WTIP: variants seen among roughly 807,000 people sequenced by gnomAD.
WTIP encodes the protein Wilms tumor protein 1-interacting protein.
A neutral mutation model predicts 41.7 loss-of-function variants in WTIP; 23 were observed. That is an observed-to-expected ratio of 0.55 (90% CI 0.40 to 0.78). The LOEUF (loss-of-function observed/expected upper bound fraction) is 0.78, where lower values mean the gene tolerates loss of function less well. WTIP is among the 30% of genes least tolerant of loss of function. The probability of loss-of-function intolerance (pLI) is 0.00; values close to 1 mark genes in which losing one functional copy is unlikely to be tolerated. For missense variants in WTIP, 619 were observed against 610.5 expected, an observed-to-expected ratio of 1.01 and a Z score of -0.15; for synonymous variants, 314 against 269.9, an observed-to-expected ratio of 1.16 and a Z score of -1.60.
At chr19:34,484,760 ATTTT>A (rs1182827699) in intron 1 of WTIP, among the ~76,000 whole-genome samples, 1 of 151,288 alleles carries the variant, frequency 6.6e-6, no homozygotes, top group Non-Finnish European at 1.5e-5. Context: ...GTGGTGGCAC[ATTTT>A]TTTTCTGAGG....
chr19:34,482,679 G>T (rs1156397046), intron 1 of WTIP, 38 bp downstream of exon 1: 6 of 1,222,540 alleles, frequency 4.9e-6, no homozygotes, highest in Non-Finnish European at 6.1e-6. Flanking sequence ...TGCGCGCATG[G>T]CTGGGGTCCG....
chr19:34,491,723 C>T (rs1009636148), intron 2 of WTIP, among the ~76,000 whole-genome samples: 30 of 152,192 alleles, frequency 2.0e-4, no homozygotes, highest in African/African-American at 7.2e-4. Flanking sequence ...CGGCTCACTG[C>T]CACCTCCGTG....
Position 34,494,579 on chromosome 19 carries a change from TC to T in WTIP, c.1032-6del, listed in dbSNP as rs1486275352. On this transcript the variant is annotated splice_region_variant and splice_polypyrimidine_tract_variant and intron_variant, in intron 5 of 7. Coordinates refer to ENST00000590071, the MANE Select transcript of WTIP (RefSeq NM_001080436.2). ...CTGATCACTTCTGGTTTCCTTTATTTCTCTAGGGTTTTTGCACCAAAATGCG... is the reference window on the plus strand; with the variant it reads ...CTGATCACTTCTGGTTTCCTTTATTTTCTAGGGTTTTTGCACCAAAATGCG... 1.9e-6 allele frequency: 3 copies of T among 1,613,376 alleles called. No homozygotes were observed.
rs1267228444 is a variant in WTIP at position 34,490,494 on chromosome 19, C to G, written c.769+17C>G. ...ACTCGTGTGGTAGGTAACCTCGTGC[C>G]CTGGGTAGCTCTGTGAAGGGGACCT... On this transcript the variant is annotated intron_variant, in intron 2 of 7. Transcript: ENST00000590071. 6.2e-7 allele frequency: 1 copy of G among 1,612,368 alleles called. No homozygotes were observed. Among genetic ancestry groups the G allele is most frequent in the Non-Finnish European group, 8.5e-7 (1 of 1,178,468 alleles).
intron 7 of WTIP, among the ~76,000 whole-genome samples, chr19:34,497,895 A>G (rs1320617557): frequency 1.3e-5 from 2 of 152,130 alleles, no homozygotes; most frequent in Non-Finnish European, 2.9e-5. Context: ...TCCCCTGCAG[A>G]TTGTCCAGTA....
At position 34,482,513 on chromosome 19, in the gene WTIP, T is replaced by C; in HGVS notation, c.539T>C (p.Phe180Ser). ...CCGGAGCCTGCGGGGCCGGCTCCCT[T>C]CCCGCTGCCTGCACTCCCGCTGCCC... ...RSPEPAGPAP[F>S]PLPALPLPPG... The change falls in exon 1 of 8, where the codon TTC (phenylalanine) becomes TCC (serine). Residue 180 changes from phenylalanine to serine, a missense_variant. This residue lies in a region of WTIP where 363 missense variants were observed against 309.0 expected (regional missense o/e 1.17). Transcript: ENST00000590071. The C allele has an allele frequency of 8.1e-7, 1 of 1,229,070 alleles. No homozygotes were observed. The highest frequency in any genetic ancestry group is 3.3e-5 in the East Asian group (1 of 30,396). 76.1% of individuals were successfully genotyped at this position (1,229,070 alleles called of 1,614,324 possible). A position where few individuals can be genotyped will look rare whatever the true frequency, so the allele number is the denominator to read the frequency against.
intron 1 of WTIP, among the ~76,000 whole-genome samples, chr19:34,483,315 C>A (rs1331092024): frequency 6.6e-6 from 1 of 151,830 alleles, no homozygotes; most frequent in Non-Finnish European, 1.5e-5. Context: ...TGAGCCAGTG[C>A]GCCCGGCCTG....
intron 7 of WTIP, 44 bp downstream of exon 7, chr19:34,495,815 C>G (rs772781199): frequency 6.3e-7 from 1 of 1,595,834 alleles, no homozygotes; most frequent in East Asian, 2.2e-5. Flanking sequence ...GGCAGGCCTC[C>G]TCCCACAGGG....
chr19:34,483,183 C>CTT (rs10611262), intron 1 of WTIP, among the ~76,000 whole-genome samples: 1 of 102,600 alleles, frequency 9.7e-6, no homozygotes, highest in Non-Finnish European at 2.0e-5. Flanking sequence ...CTTCTTCTTA[C>CTT]TTTTTTTTTT....
rs2075897068 is a variant in WTIP, at chr19:34,503,310, C to G, written c.*3041C>G. ...ATGGCAGTTCCCTCCGTGGGAGCCA[C>G]TCTCCCGGGGTTTCTTCCTCTATGA... On this transcript the variant is annotated 3_prime_UTR_variant, in exon 8 of 8. Coordinates refer to ENST00000590071, the MANE Select transcript of WTIP (RefSeq NM_001080436.2). 6.6e-6 allele frequency: 1 copy of G among 151,938 alleles called. No homozygotes were observed. The highest frequency in any genetic ancestry group is 6.6e-5 in the Admixed American group (1 of 15,262). 9.4% of individuals were successfully genotyped at this position (151,938 alleles called of 1,614,324 possible). A position where few individuals can be genotyped will look rare whatever the true frequency, so the allele number is the denominator to read the frequency against.
intron 1 of WTIP, among the ~76,000 whole-genome samples, chr19:34,488,842 G>A (rs2075810753): frequency 6.7e-6 from 1 of 149,286 alleles, no homozygotes; most frequent in African/African-American, 2.5e-5. Flanking sequence ...TGTCAAGGCT[G>A]CAGTGAGCTA....
intron 7 of WTIP, among the ~76,000 whole-genome samples, chr19:34,496,725 G>C (rs1410621007): frequency 6.6e-6 from 1 of 151,890 alleles, no homozygotes; most frequent in African/African-American, 2.4e-5. Flanking sequence ...AAAGAGTGAG[G>C]GCAGGGGGAA....
At chr19:34,489,251 C>T (rs1472950770) in intron 1 of WTIP, among the ~76,000 whole-genome samples, 1 of 147,808 alleles carries the variant, frequency 6.8e-6, no homozygotes, top group Non-Finnish European at 1.5e-5. Flanking sequence ...GCACTCGTCT[C>T]TGCCTGACGT....
chr19:34,495,508 C>T (rs2075848208), intron 6 of WTIP, among the ~76,000 whole-genome samples, 195 bp from the exon 7 acceptor site: 1 of 152,208 alleles, frequency 6.6e-6, no homozygotes, highest in Non-Finnish European at 1.5e-5. Flanking sequence ...TGGAGGACGC[C>T]TAAGGCCCGC....
intron 1 of WTIP, among the ~76,000 whole-genome samples, chr19:34,487,722 G>A (rs561915087): frequency 1.3e-5 from 2 of 152,260 alleles, no homozygotes; most frequent in African/African-American, 2.4e-5. Context: ...GGAGAGAGAT[G>A]AAAGGAGAAA....
chr19:34,485,540 C>T (rs754395310), intron 1 of WTIP, among the ~76,000 whole-genome samples: 12 of 151,942 alleles, frequency 7.9e-5, no homozygotes, highest in African/African-American at 2.9e-4. Context: ...AGCATAAGCT[C>T]GAGTGATCTC....
At position 34,501,198 on chromosome 19, in the gene WTIP, A is replaced by C. The variant is rs906579169; in HGVS notation, c.*929A>C. 5.2e-5 allele frequency: 8 copies of C among 152,670 alleles called. No homozygotes were observed. Among genetic ancestry groups the C allele is most frequent in the Non-Finnish European group, 7.3e-5 (5 of 68,052 alleles). The allele number at this position is 152,670 out of a possible 1,614,324, so 9.5% of individuals were successfully genotyped here. A position where few individuals can be genotyped will look rare whatever the true frequency, so the allele number is the denominator to read the frequency against. ...ATCTTGGACCAGCCTTGTTATTTTT[A>C]AAGCAAATGCCGGCAAACTCACAAG... is the stretch of plus-strand genomic sequence containing the variant. On this transcript the variant is annotated 3_prime_UTR_variant, in exon 8 of 8. Transcript: ENST00000590071.
rs2145588291 is a variant in WTIP at position 34,482,542 on chromosome 19, G to T, written c.568G>T (p.Gly190Cys). 3 of 1,228,340 alleles carry T rather than the reference G, an allele frequency of 2.4e-6. No homozygotes were observed. The South Asian group carries it at 1.2e-4, about 49-fold the overall frequency. The allele number at this position is 1,228,340 out of a possible 1,614,324, so 76.1% of individuals were successfully genotyped here. A position where few individuals can be genotyped will look rare whatever the true frequency, so the allele number is the denominator to read the frequency against. ...GCTGCCTGCACTCCCGCTGCCCCCT[G>T]GCCGGGAGGGCGGCCCAAGCGCGGC... The part of the protein sequence containing the change: ...FPLPALPLPP[G>C]REGGPSAAER... The change falls in exon 1 of 8, where the codon GGC (glycine) becomes TGC (cysteine). Residue 190 changes from glycine to cysteine, a missense_variant. By Grantham distance (159) the Gly-to-Cys change is radical. Coordinates refer to ENST00000590071, the MANE Select transcript of WTIP (RefSeq NM_001080436.2).
chr19:34,494,698 A>G (rs892552985), intron 6 of WTIP, 61 bp downstream of exon 6: 2 of 1,569,964 alleles, frequency 1.3e-6, no homozygotes, highest in African/African-American at 2.7e-5. Flanking sequence ...TGTCCTGTCT[A>G]GCCTGGGTCT....
Sources: gnomAD v4.1 joint callset for allele counts (sites outside exome capture counted in the v4.1 genomes callset) on GRCh38, gnomAD v4.1.1 for gene constraint, gnomAD v4.1.1 regional missense constraint, MANE v1.5 for transcripts, NCBI Gene and HGNC (gene_info 2026-07-23, HGNC 2026-07-21) for gene names.